DDC: variants seen among roughly 807,000 people sequenced by gnomAD.
DDC encodes dopa decarboxylase, also known as aromatic-L-amino-acid decarboxylase.
In DDC, 43 loss-of-function variants were observed where a neutral mutation model predicts 60.0. The observed-to-expected ratio is 0.72, with a 90% CI of 0.56 to 0.92. The LOEUF (loss-of-function observed/expected upper bound fraction) is 0.92, where lower values mean the gene tolerates loss of function less well. Ranked by LOEUF, DDC falls within the 40% of genes least tolerant of loss-of-function variation. DDC has a pLI of 0.00. For missense variants in DDC, 573 were observed against 620.2 expected, an observed-to-expected ratio of 0.92 and a Z score of 0.81; for synonymous variants, 232 against 234.6, an observed-to-expected ratio of 0.99 and a Z score of 0.10.
At chr7:50,559,243 C>T (rs1309022430) in intron 1 of DDC, among the ~76,000 whole-genome samples, 1 of 152,080 alleles carries the variant, frequency 6.6e-6, no homozygotes, top group African/African-American at 2.4e-5. Context: ...TTCACACTTG[C>T]CTCTGTACAA....
intron 13 of DDC, among the ~76,000 whole-genome samples, chr7:50,465,971 T>A (rs2042386530): frequency 6.6e-6 from 1 of 152,148 alleles, no homozygotes. Context: ...AAGTCTCCTC[T>A]CCTGCTCTGC....
intron 9 of DDC, among the ~76,000 whole-genome samples, chr7:50,480,128 T>C (rs1010002925): frequency 1.3e-5 from 2 of 152,238 alleles, no homozygotes; most frequent in Non-Finnish European, 2.9e-5. Flanking sequence ...TCATTTTGCA[T>C]GTTAATAAGA....
At chr7:50,529,818 C>T (rs2081440003) in intron 4 of DDC, among the ~76,000 whole-genome samples, 2 of 152,112 alleles carry the variant, frequency 1.3e-5, no homozygotes, top group Non-Finnish European at 2.9e-5. Context: ...TCTTTTGATT[C>T]CTAATGACAC....
chr7:50,515,620 C>A (rs2043705432), intron 6 of DDC, among the ~76,000 whole-genome samples: 1 of 152,164 alleles, frequency 6.6e-6, no homozygotes, highest in Non-Finnish European at 1.5e-5. Context: ...CCTAAATGCT[C>A]CACCTAAAAG....
At chr7:50,513,542 C>G (rs1271905730) in intron 6 of DDC, among the ~76,000 whole-genome samples, 3 of 152,168 alleles carry the variant, frequency 2.0e-5, no homozygotes, top group Non-Finnish European at 2.9e-5. Context: ...AAACCAAGCC[C>G]TTTTCTTTCA....
chr7:50,522,091 T>C (rs1225355554), intron 6 of DDC, among the ~76,000 whole-genome samples: 1 of 151,846 alleles, frequency 6.6e-6, no homozygotes, highest in East Asian at 1.9e-4. Flanking sequence ...AGCTGTAGGA[T>C]AAAATGATAA....
rs1004280054 is a variant in DDC at position 50,477,981 on chromosome 7, C to T, written c.1022-1338G>A. ...CTTTGAGAGGCCAAGGCAGGCAAAT[C>T]GCTTGAGCTCAGGAGTTCAAGACTA... On this transcript the variant is annotated intron_variant, in intron 10 of 14. Transcript: ENST00000444124. Among the ~76,000 whole-genome samples, 10 of 151,706 alleles carry T rather than the reference C, an allele frequency of 6.6e-5. 1 individual carries two copies. The highest frequency in any genetic ancestry group is 2.0e-4 in the Admixed American group (3 of 15,224).
intron 2 of DDC, among the ~76,000 whole-genome samples, chr7:50,540,406 G>T (rs2044586002): frequency 6.6e-6 from 1 of 151,954 alleles, no homozygotes; most frequent in Non-Finnish European, 1.5e-5. Flanking sequence ...TGAAGGCGCT[G>T]CCCCAAGGCT....
At chr7:50,513,753 C>T (rs2043650685) in intron 6 of DDC, among the ~76,000 whole-genome samples, 1 of 152,042 alleles carries the variant, frequency 6.6e-6, no homozygotes, top group Non-Finnish European at 1.5e-5. Context: ...AGCCATAATC[C>T]TCCTAGGTAC....
At chr7:50,501,557 C>T (rs1170025406) in intron 7 of DDC, among the ~76,000 whole-genome samples, 1 of 152,178 alleles carries the variant, frequency 6.6e-6, no homozygotes, top group Non-Finnish European at 1.5e-5. Context: ...TTTTCTTTGT[C>T]AAATGATGGT....
intron 2 of DDC, 182 bp from the exon 3 acceptor site, chr7:50,540,210 A>G: frequency 4.7e-6 from 3 of 637,320 alleles, no homozygotes; most frequent in Non-Finnish European, 8.7e-6. Flanking sequence ...GAGCATTTAC[A>G]CATCACCTTA....
At chr7:50,490,924 C>T (rs745591759) in intron 9 of DDC, among the ~76,000 whole-genome samples, 19 of 152,246 alleles carry the variant, frequency 1.2e-4, no homozygotes, top group Admixed American at 7.8e-4. Flanking sequence ...AATTGGGGAA[C>T]TGGAAAGAGA....
chr7:50,497,960 T>C (rs2043162123), intron 8 of DDC, among the ~76,000 whole-genome samples: 1 of 152,170 alleles, frequency 6.6e-6, no homozygotes, highest in Non-Finnish European at 1.5e-5. Flanking sequence ...AATTCAAAGT[T>C]GTAATTAGAA....
chr7:50,498,311 C>T lies in DDC; in HGVS notation c.876+837G>A, dbSNP rs75220907. Among the ~76,000 whole-genome samples, 534 of 152,318 alleles carry T rather than the reference C, an allele frequency of 3.5e-3. 6 individuals carry two copies. Among genetic ancestry groups the T allele is most frequent in the African/African-American group, 0.012 (482 of 41,566 alleles). ...GCCATCACACATGGGTGAGGTCTCACGACACCTCCTGCCCCTTGGCAGAAA... is the reference window on the plus strand; with the variant it reads ...GCCATCACACATGGGTGAGGTCTCATGACACCTCCTGCCCCTTGGCAGAAA... On this transcript the variant is annotated intron_variant, in intron 8 of 14. Transcript: ENST00000444124.
intron 11 of DDC, among the ~76,000 whole-genome samples, chr7:50,476,006 T>A (rs1409446280): frequency 6.6e-6 from 1 of 152,132 alleles, no homozygotes; most frequent in East Asian, 1.9e-4. Context: ...CATCTCTTGA[T>A]GGCAGAAGAC....
At chr7:50,495,312 C>T (rs745871430) in intron 9 of DDC, 38 bp downstream of exon 9, 9 of 1,523,926 alleles carry the variant, frequency 5.9e-6, no homozygotes, top group East Asian at 2.3e-5. Context: ...ACTGTCACCT[C>T]GGACAGGCAA....
chr7:50,535,192 C>G (rs185948761), intron 4 of DDC, among the ~76,000 whole-genome samples: 1 of 151,528 alleles, frequency 6.6e-6, no homozygotes, highest in South Asian at 2.1e-4. Flanking sequence ...GTTTCCCTCT[C>G]GTCAACCAGG....
chr7:50,548,416 T>C (rs1033898346), intron 1 of DDC, among the ~76,000 whole-genome samples: 3 of 152,224 alleles, frequency 2.0e-5, no homozygotes, highest in African/African-American at 7.2e-5. Context: ...ATTAGAAGTA[T>C]AACTCCAGTG....
intron 13 of DDC, among the ~76,000 whole-genome samples, chr7:50,466,507 A>C (rs1044621460): frequency 9.0e-5 from 13 of 144,958 alleles, no homozygotes; most frequent in Admixed American, 2.0e-4. Context: ...AAAAAAAAAA[A>C]AAAAAAAAAA....
Sources: allele counts gnomAD v4.1 joint callset (sites outside exome capture counted in the v4.1 genomes callset), GRCh38; gene constraint gnomAD v4.1.1; transcripts MANE v1.5; gene names NCBI Gene and HGNC (gene_info 2026-07-23, HGNC 2026-07-21).